The following SLC30A7 variants were observed in gnomAD, a reference collection of about 807,000 sequenced individuals.
SLC30A7 encodes solute carrier family 30 member 7, also known as zinc transporter 7.
SLC30A7 carries 35 observed loss-of-function variants against 46.0 expected under a neutral mutation model. That is an observed-to-expected ratio of 0.76 (90% CI 0.58 to 1.01). The LOEUF is 1.01. Ranked by LOEUF, SLC30A7 falls within the 50% of genes least tolerant of loss-of-function variation. The probability of loss-of-function intolerance (pLI) is 0.00; values close to 1 mark genes in which losing one functional copy is unlikely to be tolerated. For synonymous variants in SLC30A7, 147 were observed against 157.8 expected, an observed-to-expected ratio of 0.93 and a Z score of 0.51; for missense variants, 464 against 451.1, an observed-to-expected ratio of 1.03 and a Z score of -0.26.
At position 100,912,202 on chromosome 1, in the gene SLC30A7, T is replaced by G. The variant is rs749076075; in HGVS notation, c.475T>G (p.Phe159Val). ...FVVNLIGIFV[F>V]KHGGHGHSHG... ...GGTAAACCTAATAGGAATATTTGTT[T>G]TCAAACATGGAGGTCATGGACATTC... is the stretch of plus-strand genomic sequence containing the variant. Residue 159 changes from phenylalanine to valine, a missense_variant, in exon 5 of 11, where the codon TTC (phenylalanine) becomes GTC (valine). By Grantham distance (50) the Phe-to-Val change is conservative. Coordinates refer to ENST00000357650, the MANE Select transcript of SLC30A7 (RefSeq NM_133496.5). 13 of 1,614,098 alleles carry G rather than the reference T, an allele frequency of 8.1e-6. No homozygotes were observed. Among genetic ancestry groups the G allele is most frequent in the Non-Finnish European group, 1.0e-5 (12 of 1,179,962 alleles).
intron 2 of SLC30A7, among the ~76,000 whole-genome samples, chr1:100,900,218 CAG>C (rs1651222774): frequency 6.6e-6 from 1 of 152,162 alleles, no homozygotes; most frequent in African/African-American, 2.4e-5. Flanking sequence ...TCATTTTTAA[CAG>C]ATTTAATTTC....
intron 2 of SLC30A7, among the ~76,000 whole-genome samples, chr1:100,904,518 T>A (rs1651515909): frequency 6.6e-6 from 1 of 152,158 alleles, no homozygotes; most frequent in Admixed American, 6.5e-5. Context: ...TTAACTGCTT[T>A]CTCCACAGTG....
intron 5 of SLC30A7, 106 bp from the exon 6 acceptor site, chr1:100,913,557 A>G (rs770177755): frequency 9.9e-5 from 78 of 785,438 alleles, no homozygotes; most frequent in Admixed American, 3.2e-4. Context: ...TGTTTATTGA[A>G]TTGATCTGAG....
At position 100,907,087 on chromosome 1, in the gene SLC30A7, C is replaced by T. The variant is rs1036323291; in HGVS notation, c.296+122C>T. ...AGGTGTAACTTTTGAATCTTTGAAG[C>T]CCCCACTCAGGCCTCTTCGAGTTCC... On this transcript the variant is annotated intron_variant, in intron 3 of 10. Coordinates refer to ENST00000357650, the MANE Select transcript of SLC30A7 (RefSeq NM_133496.5). 22 of 636,112 alleles carry T rather than the reference C, an allele frequency of 3.5e-5. 1 individual carries two copies. In the Admixed American group the frequency reaches 4.0e-4, roughly 12 times the overall value. 39.4% of individuals were successfully genotyped at this position (636,112 alleles called of 1,614,324 possible). A position where few individuals can be genotyped will look rare whatever the true frequency, so the allele number is the denominator to read the frequency against.
chr1:100,923,946 C>T (rs909535134), intron 8 of SLC30A7, among the ~76,000 whole-genome samples: 4 of 152,000 alleles, frequency 2.6e-5, no homozygotes, highest in African/African-American at 9.7e-5. Context: ...TTTATTTGTG[C>T]TTTTAGTGTT....
the SLC30A7 span, among the ~76,000 whole-genome samples, chr1:100,991,434 C>G: frequency 6.6e-6 from 1 of 152,180 alleles, no homozygotes; most frequent in Non-Finnish European, 1.5e-5. Flanking sequence ...TCCTTGCAGA[C>G]TATTTGTTTC....
intron 8 of SLC30A7, among the ~76,000 whole-genome samples, chr1:100,930,965 A>G (rs1007394937): frequency 3.3e-5 from 5 of 152,104 alleles, no homozygotes; most frequent in African/African-American, 9.7e-5. Flanking sequence ...CTTCTTACCT[A>G]TGTATCTAGA....
At chr1:100,917,603 A>G (rs1570527345) in intron 6 of SLC30A7, among the ~76,000 whole-genome samples, 2 of 152,316 alleles carry the variant, frequency 1.3e-5, no homozygotes, top group East Asian at 3.9e-4. Context: ...AAGCAAAATG[A>G]AAAAAATTAT....
the SLC30A7 span, chr1:100,990,301 A>C: frequency 9.8e-7 from 1 of 1,018,024 alleles, no homozygotes; most frequent in Non-Finnish European, 1.5e-6. Flanking sequence ...AACACCTGGG[A>C]ATTATGAGGA....
chr1:100,923,384 A>T (rs1004355027), intron 8 of SLC30A7, among the ~76,000 whole-genome samples: 26 of 151,890 alleles, frequency 1.7e-4, no homozygotes, highest in African/African-American at 5.8e-4. Context: ...ATTTTTTTTT[A>T]AAGTTTCTGC....
At chr1:100,974,696 CT>C in intron 10 of SLC30A7, 113 bp from the exon 11 acceptor site, 1 of 681,916 alleles carries the variant, frequency 1.5e-6, no homozygotes. Flanking sequence ...TGAAATGATT[CT>C]TTTCTTTTTT....
At chr1:100,992,899 T>C in the SLC30A7 span, among the ~76,000 whole-genome samples, 1 of 152,230 alleles carries the variant, frequency 6.6e-6, no homozygotes, top group African/African-American at 2.4e-5. Context: ...AAAAGCATGA[T>C]GATTGTTCAT....
intron 10 of SLC30A7, among the ~76,000 whole-genome samples, chr1:100,968,758 T>C (rs1003364842): frequency 6.6e-6 from 1 of 152,206 alleles, no homozygotes. Flanking sequence ...GTCATACATA[T>C]CACATTGTAC....
At chr1:100,959,005 A>G (rs6693456) in intron 8 of SLC30A7, among the ~76,000 whole-genome samples, 42,594 of 152,144 alleles carry the variant, frequency 0.28, 6,104 homozygotes, top group Middle Eastern at 0.35. Context: ...GTGTAAGACT[A>G]TAGGGCAGCT....
chr1:100,906,811 G>T (rs1213140572), intron 2 of SLC30A7, 41 bp from the exon 3 acceptor site: 1 of 1,341,022 alleles, frequency 7.5e-7, no homozygotes, highest in Admixed American at 1.7e-5. Context: ...CCTACTGTTT[G>T]GTTTTTATTA....
intron 8 of SLC30A7, 144 bp downstream of exon 8, chr1:100,921,985 G>T (rs147189096): frequency 2.8e-6 from 2 of 717,372 alleles, no homozygotes; most frequent in African/African-American, 4.3e-5. Context: ...ACAGAGTCTC[G>T]CTCTGTCACC....
At chr1:100,917,126 G>T (rs1272414398) in intron 6 of SLC30A7, among the ~76,000 whole-genome samples, 1 of 152,020 alleles carries the variant, frequency 6.6e-6, no homozygotes, top group South Asian at 2.1e-4. Context: ...CAGTTACACT[G>T]GTATGCTTTA....
the SLC30A7 span, chr1:100,990,354 A>C: frequency 6.5e-7 from 1 of 1,534,456 alleles, no homozygotes; most frequent in African/African-American, 1.4e-5. Context: ...CATCCAAACC[A>C]TATCAATCCA....
chr1:100,916,390 T>A (rs1433310207), intron 6 of SLC30A7, among the ~76,000 whole-genome samples: 1 of 152,154 alleles, frequency 6.6e-6, no homozygotes, highest in South Asian at 2.1e-4. Flanking sequence ...TTTCACCGTG[T>A]TAGCCAGGAT....
Sources: allele counts gnomAD v4.1 joint callset (sites outside exome capture counted in the v4.1 genomes callset), GRCh38; gene constraint gnomAD v4.1.1; transcripts MANE v1.5; gene names NCBI Gene and HGNC (gene_info 2026-07-23, HGNC 2026-07-21).